The following HS3ST5 variants were observed in gnomAD, a reference collection of about 807,000 sequenced individuals.
HS3ST5 encodes heparan sulfate-glucosamine 3-sulfotransferase 5, also known as heparan sulfate glucosamine 3-O-sulfotransferase 5.
In HS3ST5, 10 loss-of-function variants were observed where a neutral mutation model predicts 25.4. That is an observed-to-expected ratio of 0.39 (90% CI 0.24 to 0.67). The LOEUF (loss-of-function observed/expected upper bound fraction) is 0.67, where lower values mean the gene tolerates loss of function less well. Among genes scored for constraint, HS3ST5 ranks in the 30% least tolerant of loss-of-function variants. The pLI is 0.44. For synonymous variants in HS3ST5, 170 were observed against 162.4 expected, an observed-to-expected ratio of 1.05 and a Z score of -0.36; for missense variants, 324 against 420.7, an observed-to-expected ratio of 0.77 and a Z score of 2.01.
chr6:114,234,238 C>A (rs1399481310), intron 1 of HS3ST5, among the ~76,000 whole-genome samples: 1 of 151,656 alleles, frequency 6.6e-6, no homozygotes, highest in African/African-American at 2.4e-5. Context: ...TTTCTATATA[C>A]CTGTTATTCA....
At chr6:114,159,700 A>G (rs1313130111) in intron 3 of HS3ST5, among the ~76,000 whole-genome samples, 1 of 152,208 alleles carries the variant, frequency 6.6e-6, no homozygotes, top group East Asian at 1.9e-4. Context: ...TTCTGTGTGT[A>G]TGTTAGATTT....
At chr6:114,266,764 C>G (rs886131784) in intron 1 of HS3ST5, among the ~76,000 whole-genome samples, 8 of 152,050 alleles carry the variant, frequency 5.3e-5, no homozygotes, top group African/African-American at 1.9e-4. Context: ...GATCAAGAGG[C>G]ACTAAAAAGT....
intron 2 of HS3ST5, among the ~76,000 whole-genome samples, chr6:114,190,277 C>T (rs1780437993): frequency 6.6e-6 from 1 of 152,118 alleles, no homozygotes; most frequent in African/African-American, 2.4e-5. Context: ...TCCAGAGACA[C>T]ACAGTGAGGC....
intron 3 of HS3ST5, among the ~76,000 whole-genome samples, 187 bp from the exon 4 acceptor site, chr6:114,063,064 A>G (rs1185156174): frequency 2.0e-5 from 3 of 152,252 alleles, no homozygotes; most frequent in Non-Finnish European, 4.4e-5. Context: ...GGACCATGTT[A>G]TAAGATCAAA....
chr6:114,202,581 A>T (rs1197598210), intron 2 of HS3ST5, among the ~76,000 whole-genome samples: 4 of 152,140 alleles, frequency 2.6e-5, no homozygotes, highest in Non-Finnish European at 5.9e-5. Flanking sequence ...TTAAAATCTC[A>T]ATAGGTTGGC....
intron 1 of HS3ST5, chr6:114,251,870 G>T (rs1241887478): frequency 6.6e-6 from 1 of 152,204 alleles, no homozygotes; most frequent in Non-Finnish European, 1.5e-5. Context: ...GTAGTCTGAT[G>T]CTAGCCTAAC....
chr6:114,209,824 T>C (rs1198735519), intron 2 of HS3ST5, among the ~76,000 whole-genome samples: 1 of 152,178 alleles, frequency 6.6e-6, no homozygotes, highest in Non-Finnish European at 1.5e-5. Flanking sequence ...CACACACATA[T>C]GAATGCTTGT....
intron 2 of HS3ST5, among the ~76,000 whole-genome samples, chr6:114,213,246 CCT>C (rs1413284995): frequency 2.7e-5 from 4 of 150,874 alleles, no homozygotes; most frequent in Admixed American, 2.0e-4. Flanking sequence ...CTTCTCTTCT[CCT>C]CTCCTCTCCT....
At chr6:114,341,589 CCGCG>C (rs5879260) in intron 1 of HS3ST5, among the ~76,000 whole-genome samples, 4 of 145,888 alleles carry the variant, frequency 2.7e-5, no homozygotes, top group Non-Finnish European at 4.6e-5. Flanking sequence ...TGCATCCATC[CCGCG>C]CGCGCGCGCG....
intron 1 of HS3ST5, among the ~76,000 whole-genome samples, chr6:114,245,731 C>G (rs1263392224): frequency 6.6e-6 from 1 of 152,138 alleles, no homozygotes; most frequent in Non-Finnish European, 1.5e-5. Flanking sequence ...GGCAAAATAT[C>G]AAGCAAACCT....
chr6:114,081,883 T>C (rs1774469124), intron 3 of HS3ST5, among the ~76,000 whole-genome samples: 1 of 152,214 alleles, frequency 6.6e-6, no homozygotes, highest in South Asian at 2.1e-4. Flanking sequence ...CACATGCAAC[T>C]CACCTATTTA....
intron 3 of HS3ST5, among the ~76,000 whole-genome samples, chr6:114,071,926 A>C (rs1180558413): frequency 6.6e-6 from 1 of 152,186 alleles, no homozygotes; most frequent in Non-Finnish European, 1.5e-5. Flanking sequence ...AGCATGTGAG[A>C]AGCCCCCACC....
intron 3 of HS3ST5, among the ~76,000 whole-genome samples, chr6:114,129,561 C>A (rs1268421271): frequency 6.6e-6 from 1 of 152,110 alleles, no homozygotes; most frequent in Non-Finnish European, 1.5e-5. Context: ...AGCCAAGAAT[C>A]TTAATATAAC....
At chr6:114,227,666 C>A (rs1055333177) in intron 2 of HS3ST5, among the ~76,000 whole-genome samples, 11 of 151,966 alleles carry the variant, frequency 7.2e-5, no homozygotes, top group African/African-American at 2.7e-4. Context: ...AGGTATTAAG[C>A]AGATTTGTTC....
intron 3 of HS3ST5, chr6:114,084,698 T>C: frequency 7.9e-7 from 1 of 1,268,742 alleles, no homozygotes; most frequent in Non-Finnish European, 1.1e-6. Context: ...AAGCCGTGGC[T>C]CCTGGAAGGC....
chr6:114,164,561 A>G (rs377322773), intron 3 of HS3ST5, among the ~76,000 whole-genome samples: 108 of 152,298 alleles, frequency 7.1e-4, no homozygotes, highest in African/African-American at 2.4e-3. Flanking sequence ...GCTTTGACAA[A>G]GGACATCTAA....
At chr6:114,186,101 C>T (rs1415865148) in intron 2 of HS3ST5, among the ~76,000 whole-genome samples, 1 of 151,988 alleles carries the variant, frequency 6.6e-6, no homozygotes, top group African/African-American at 2.4e-5. Context: ...CTCCTTGGGC[C>T]TCCCTATTCT....
chr6:114,229,569 C>T (rs1771476941), intron 1 of HS3ST5, among the ~76,000 whole-genome samples: 1 of 152,180 alleles, frequency 6.6e-6, no homozygotes, highest in South Asian at 2.1e-4. Flanking sequence ...TTCTTTCTTG[C>T]TACACCTCTC....
chr6:114,169,536 T>C (rs751750883), intron 2 of HS3ST5, among the ~76,000 whole-genome samples: 7 of 152,172 alleles, frequency 4.6e-5, no homozygotes, highest in Non-Finnish European at 5.9e-5. Flanking sequence ...CCAGCTATTT[T>C]AGAACATGGC....
Sources: allele counts gnomAD v4.1 joint callset (sites outside exome capture counted in the v4.1 genomes callset), GRCh38; gene constraint gnomAD v4.1.1; transcripts MANE v1.5; gene names NCBI Gene and HGNC (gene_info 2026-07-23, HGNC 2026-07-21).